Variants in GALNT13 observed in about 807,000 individuals in gnomAD.
The protein encoded by GALNT13 is polypeptide N-acetylgalactosaminyltransferase 13.
Under a neutral mutation model 64.2 loss-of-function variants are expected in GALNT13, and 28 were observed. The observed-to-expected ratio is 0.44, with a 90% CI of 0.32 to 0.60. The LOEUF (loss-of-function observed/expected upper bound fraction) is 0.60. Among genes scored for constraint, GALNT13 ranks in the 20% least tolerant of loss-of-function variants. The pLI is 0.05. For synonymous variants in GALNT13, 214 were observed against 224.6 expected (o/e 0.95, Z 0.42); for missense variants, 577 against 669.8 (o/e 0.86, Z 1.53).
chr2:153,114,845 C>T, the GALNT13 span, among the ~76,000 whole-genome samples: 1 of 151,610 alleles, frequency 6.6e-6, no homozygotes, highest in Non-Finnish European at 1.5e-5. Context: ...TTTCCAATCC[C>T]CCTCCATTAT....
chr2:153,337,447 G>A, the GALNT13 span, among the ~76,000 whole-genome samples: 3 of 151,970 alleles, frequency 2.0e-5, no homozygotes, highest in Non-Finnish European at 4.4e-5. Flanking sequence ...GAAAATGCAA[G>A]GAAAAAATTA....
chr2:153,217,045 G>C, the GALNT13 span, among the ~76,000 whole-genome samples: 2 of 151,952 alleles, frequency 1.3e-5, no homozygotes, highest in African/African-American at 4.8e-5. Context: ...AATTGTTTCA[G>C]CAACATTTGT....
At chr2:153,142,141 C>T in the GALNT13 span, among the ~76,000 whole-genome samples, 4 of 152,014 alleles carry the variant, frequency 2.6e-5, no homozygotes, top group Non-Finnish European at 2.9e-5. Context: ...CACTGTACAG[C>T]CAGTTCATCA....
chr2:153,551,537 G>T, the GALNT13 span, among the ~76,000 whole-genome samples: 409 of 152,288 alleles, frequency 2.7e-3, 1 homozygote, highest in Non-Finnish European at 5.1e-3. Context: ...CAAAGTAGTG[G>T]CAATGGTGAT....
At chr2:154,330,082 A>C (rs2105190333) in intron 9 of GALNT13, among the ~76,000 whole-genome samples, 1 of 152,284 alleles carries the variant, frequency 6.6e-6, no homozygotes, top group Non-Finnish European at 1.5e-5. Flanking sequence ...AGGAAATAAT[A>C]GCCAAATGGG....
At chr2:154,362,429 CCT>C (rs1219447061) in intron 9 of GALNT13, among the ~76,000 whole-genome samples, 7 of 151,930 alleles carry the variant, frequency 4.6e-5, no homozygotes, top group East Asian at 1.9e-4. Flanking sequence ...TTCATCTTTT[CCT>C]CTCTCTCTTT....
At chr2:153,760,283 C>A in the GALNT13 span, among the ~76,000 whole-genome samples, 1 of 151,570 alleles carries the variant, frequency 6.6e-6, no homozygotes, top group Non-Finnish European at 1.5e-5. Context: ...TGATTTATTT[C>A]TTTTCTAACA....
chr2:153,394,425 C>T, the GALNT13 span, among the ~76,000 whole-genome samples: 1 of 152,078 alleles, frequency 6.6e-6, no homozygotes, highest in Non-Finnish European at 1.5e-5. Flanking sequence ...AACATCTAAA[C>T]CACTTGCTTA....
At chr2:154,297,631 T>G (rs1054219528) in intron 8 of GALNT13, among the ~76,000 whole-genome samples, 3 of 152,184 alleles carry the variant, frequency 2.0e-5, no homozygotes, top group African/African-American at 7.2e-5. Context: ...GAAAGAGATT[T>G]CTGTTGTTTA....
the GALNT13 span, among the ~76,000 whole-genome samples, chr2:153,144,367 T>A: frequency 6.6e-6 from 1 of 151,856 alleles, no homozygotes; most frequent in African/African-American, 2.4e-5. Flanking sequence ...AAAGTTGAAC[T>A]TGATAATCTC....
chr2:153,816,557 CA>C, the GALNT13 span, among the ~76,000 whole-genome samples: 1 of 152,036 alleles, frequency 6.6e-6, no homozygotes, highest in Non-Finnish European at 1.5e-5. Context: ...ATCCATTTAT[CA>C]GGTGTATTAG....
intron 3 of GALNT13, among the ~76,000 whole-genome samples, chr2:153,966,528 G>A (rs1384383195): frequency 1.3e-5 from 2 of 151,796 alleles, no homozygotes; most frequent in African/African-American, 2.4e-5. Context: ...AAAACGCCTG[G>A]CTAATTTTTT....
At chr2:154,138,640 G>T (rs1683085766) in intron 3 of GALNT13, among the ~76,000 whole-genome samples, 1 of 149,076 alleles carries the variant, frequency 6.7e-6, no homozygotes, top group Non-Finnish European at 1.5e-5. Context: ...ACCTGTTTAT[G>T]TTCTTATTTC....
intron 1 of GALNT13, among the ~76,000 whole-genome samples, chr2:153,886,457 A>G (rs1448512933): frequency 2.0e-5 from 3 of 151,342 alleles, no homozygotes; most frequent in Non-Finnish European, 4.4e-5. Flanking sequence ...CTATGCAGCC[A>G]TAAAAAGCGA....
At chr2:153,308,769 A>G in the GALNT13 span, among the ~76,000 whole-genome samples, 1 of 152,156 alleles carries the variant, frequency 6.6e-6, no homozygotes, top group South Asian at 2.1e-4. Flanking sequence ...TTAATGTATG[A>G]TATTTTTGCT....
At chr2:153,518,117 C>G in the GALNT13 span, among the ~76,000 whole-genome samples, 1 of 149,954 alleles carries the variant, frequency 6.7e-6, no homozygotes, top group African/African-American at 2.5e-5. Context: ...AACTCCAGAC[C>G]CCTGTCCAAT....
chr2:153,565,369 G>A, the GALNT13 span, among the ~76,000 whole-genome samples: 198 of 152,166 alleles, frequency 1.3e-3, 1 homozygote, highest in Non-Finnish European at 1.7e-3. Flanking sequence ...AAATGACATT[G>A]TACTTTTAGA....
At chr2:153,862,607 C>T in the GALNT13 span, among the ~76,000 whole-genome samples, 15 of 151,960 alleles carry the variant, frequency 9.9e-5, no homozygotes, top group Non-Finnish European at 1.8e-4. Context: ...AAATATTTTA[C>T]AATTTTTCCT....
the GALNT13 span, among the ~76,000 whole-genome samples, chr2:153,785,801 G>A: frequency 5.9e-5 from 9 of 152,104 alleles, no homozygotes; most frequent in African/African-American, 1.2e-4. Flanking sequence ...GTGTGGGCGT[G>A]GGGGATGCCA....
Sources: gnomAD v4.1 joint callset for allele counts (sites outside exome capture counted in the v4.1 genomes callset) on GRCh38, gnomAD v4.1.1 for gene constraint, MANE v1.5 for transcripts, NCBI Gene and HGNC (gene_info 2026-07-23, HGNC 2026-07-21) for gene names.